The following GLIS1 variants were observed in gnomAD, a reference collection of about 807,000 sequenced individuals.
The protein encoded by GLIS1 is GLIS family zinc finger 1, also known as zinc finger protein GLIS1.
GLIS1 carries 24 observed loss-of-function variants against 63.8 expected under a neutral mutation model. That is an observed-to-expected ratio of 0.38 (90% CI 0.27 to 0.53). The LOEUF is 0.53. GLIS1 is among the 20% of genes least tolerant of loss of function. The pLI is 0.85. For missense variants in GLIS1, 1,036 were observed against 1,074.1 expected (o/e 0.96, Z 0.50); for synonymous variants, 450 against 482.5 (o/e 0.93, Z 0.88).
chr1:53,615,291 C>T (rs1170048282), intron 2 of GLIS1, among the ~76,000 whole-genome samples: 1 of 152,174 alleles, frequency 6.6e-6, no homozygotes, highest in Non-Finnish European at 1.5e-5. Flanking sequence ...GGCAGGAGGG[C>T]TGTGCAGGGC....
At chr1:53,725,289 T>C (rs1646794524) in intron 2 of GLIS1, among the ~76,000 whole-genome samples, 1 of 152,156 alleles carries the variant, frequency 6.6e-6, no homozygotes, top group South Asian at 2.1e-4. Context: ...CAGTGTCCTG[T>C]AGAGGGCTGG....
intron 2 of GLIS1, among the ~76,000 whole-genome samples, chr1:53,713,858 C>A (rs543903988): frequency 1.6e-3 from 250 of 152,322 alleles, no homozygotes; most frequent in African/African-American, 5.9e-3. Context: ...GTGGAGATAG[C>A]TCCTAAGATG....
chr1:53,682,697 G>A (rs1416012562), intron 2 of GLIS1, among the ~76,000 whole-genome samples: 1 of 152,214 alleles, frequency 6.6e-6, no homozygotes, highest in African/African-American at 2.4e-5. Context: ...TAATCTAGGA[G>A]GAGCTGCCTT....
At chr1:53,708,648 A>G (rs1373164482) in intron 2 of GLIS1, among the ~76,000 whole-genome samples, 1 of 152,068 alleles carries the variant, frequency 6.6e-6, no homozygotes, top group Non-Finnish European at 1.5e-5. Flanking sequence ...CTCAGGAACA[A>G]AAGGCACGCT....
At chr1:53,611,372 G>A (rs1405053846) in intron 2 of GLIS1, among the ~76,000 whole-genome samples, 1 of 152,242 alleles carries the variant, frequency 6.6e-6, no homozygotes, top group Non-Finnish European at 1.5e-5. Context: ...TTGTAGGCAT[G>A]AGCCACTGCG....
chr1:53,720,966 C>T (rs1251100882), intron 2 of GLIS1, among the ~76,000 whole-genome samples: 1 of 151,584 alleles, frequency 6.6e-6, no homozygotes, highest in Non-Finnish European at 1.5e-5. Flanking sequence ...CCACTGCACT[C>T]TAGCCTGGGT....
chr1:53,698,760 G>A (rs1029780858), intron 2 of GLIS1, among the ~76,000 whole-genome samples: 15 of 152,232 alleles, frequency 9.9e-5, no homozygotes, highest in African/African-American at 3.4e-4. Flanking sequence ...CTTTCCCTGT[G>A]TTTCCCTGCC....
chr1:53,678,537 G>C (rs1646240567), intron 2 of GLIS1, among the ~76,000 whole-genome samples: 1 of 152,048 alleles, frequency 6.6e-6, no homozygotes, highest in Non-Finnish European at 1.5e-5. Context: ...GCTGGTACCT[G>C]CACCCCCAGC....
At chr1:53,638,271 G>A (rs1645748039) in intron 2 of GLIS1, among the ~76,000 whole-genome samples, 1 of 152,198 alleles carries the variant, frequency 6.6e-6, no homozygotes, top group Admixed American at 6.5e-5. Context: ...GATAACCACA[G>A]GCCCGCATGG....
chr1:53,632,757 G>T (rs2100253395), intron 2 of GLIS1, among the ~76,000 whole-genome samples: 1 of 151,202 alleles, frequency 6.6e-6, no homozygotes, highest in African/African-American at 2.4e-5. Context: ...GCGTGTGTAT[G>T]AGTGTGACTG....
intron 2 of GLIS1, among the ~76,000 whole-genome samples, chr1:53,602,507 C>T (rs1645328860): frequency 6.6e-6 from 1 of 152,180 alleles, no homozygotes; most frequent in Non-Finnish European, 1.5e-5. Flanking sequence ...CACCAGGCCC[C>T]TCTGGGGCCT....
intron 2 of GLIS1, among the ~76,000 whole-genome samples, chr1:53,622,427 C>CAA (rs60923620): frequency 0.11 from 14,556 of 128,976 alleles, 1,293 homozygotes; most frequent in Non-Finnish European, 0.18. Context: ...GACTATGTCT[C>CAA]AAAAAAAAAA....
At chr1:53,554,503 A>G (rs897374715) in intron 4 of GLIS1, among the ~76,000 whole-genome samples, 8 of 152,196 alleles carry the variant, frequency 5.3e-5, no homozygotes, top group Non-Finnish European at 7.3e-5. Context: ...AGGAAGTGGC[A>G]TGCCTGAAGT....
At chr1:53,649,112 T>C (rs1259067027) in intron 2 of GLIS1, among the ~76,000 whole-genome samples, 1 of 152,104 alleles carries the variant, frequency 6.6e-6, no homozygotes, top group East Asian at 1.9e-4. Context: ...CCTAGAAATA[T>C]CACAAAATTA....
At chr1:53,523,487 A>C (rs1438006284) in intron 6 of GLIS1, among the ~76,000 whole-genome samples, 1 of 152,168 alleles carries the variant, frequency 6.6e-6, no homozygotes, top group African/African-American at 2.4e-5. Flanking sequence ...CAATGCTTGG[A>C]ATACAGTAGG....
intron 2 of GLIS1, among the ~76,000 whole-genome samples, chr1:53,615,555 T>G (rs1645472874): frequency 6.6e-6 from 1 of 152,090 alleles, no homozygotes; most frequent in South Asian, 2.1e-4. Context: ...TCCCAAGGGT[T>G]GGGAGGGATG....
At position 53,526,305 on chromosome 1, in the gene GLIS1, T is replaced by C. The variant is rs1644468380; in HGVS notation, c.1483-1418A>G. Among the ~76,000 whole-genome samples the C allele has an allele frequency of 6.6e-6, 1 of 152,016 alleles. No individual in the cohort carries two copies. The highest frequency in any genetic ancestry group is 2.1e-4 in the South Asian group (1 of 4,818). On this transcript the variant is annotated intron_variant, in intron 5 of 10. Coordinates refer to ENST00000628545, the MANE Select transcript of GLIS1 (RefSeq NM_001367484.1). This position sits in a 1 kb window ranked among gnomAD's most constrained non-coding sequence, Gnocchi z 4.4. ...ACCCAGGGAGAGGTACCCATGGCCC[T>C]GGGACCTCATGAGGAGGGGAAGCAG...
At chr1:53,550,061 G>A (rs1285229055) in intron 4 of GLIS1, among the ~76,000 whole-genome samples, 2 of 152,226 alleles carry the variant, frequency 1.3e-5, no homozygotes, top group Non-Finnish European at 2.9e-5. Context: ...AGGCATCAGA[G>A]CCACCAGGTT....
intron 4 of GLIS1, among the ~76,000 whole-genome samples, chr1:53,541,708 G>A (rs1329983971): frequency 6.6e-6 from 1 of 152,234 alleles, no homozygotes; most frequent in African/African-American, 2.4e-5. Flanking sequence ...ACAGACAGAG[G>A]CAAACCCATC....
Sources: allele counts gnomAD v4.1 joint callset (sites outside exome capture counted in the v4.1 genomes callset), GRCh38; gene constraint gnomAD v4.1.1; non-coding constraint Gnocchi (gnomAD v3.1); transcripts MANE v1.5; gene names NCBI Gene and HGNC (gene_info 2026-07-23, HGNC 2026-07-21).